RBFOX1: variants seen among roughly 807,000 people sequenced by gnomAD.
The protein encoded by RBFOX1 is RNA binding fox-1 homolog 1.
RBFOX1 carries 8 observed loss-of-function variants against 57.7 expected under a neutral mutation model. The observed-to-expected ratio is 0.14, with a 90% confidence interval of 0.08 to 0.25. The LOEUF is 0.25. RBFOX1 is among the 10% of genes least tolerant of loss of function. RBFOX1 has a pLI of 1.00. For missense variants in RBFOX1, 611 were observed against 548.5 expected (o/e 1.11, Z -1.14); for synonymous variants, 326 against 222.4 (o/e 1.47, Z -4.15).
At position 6,019,320 on chromosome 16, in the gene RBFOX1, C is replaced by T. The variant is rs916064752; in HGVS notation, c.-799C>T. ...GGTCACCTCCTTTCCAGTCCCCGTG[C>T]GAGCCGCGCTGCCGCCGCCTCCTCC... On this transcript the variant is annotated 5_prime_UTR_variant, in exon 1 of 16. Coordinates refer to ENST00000550418, the MANE Select transcript of RBFOX1 (RefSeq NM_018723.4). This position sits in a 1 kb window ranked among gnomAD's most constrained non-coding sequence, Gnocchi z 4.2. 4 of 985,034 alleles carry T rather than the reference C, an allele frequency of 4.1e-6. No homozygotes were observed. In the African/African-American group the frequency reaches 7.0e-5, roughly 17 times the overall value. 61.0% of individuals were successfully genotyped at this position (985,034 alleles called of 1,614,324 possible).
At chr16:6,223,150 A>G (rs1376559513) in intron 1 of RBFOX1, among the ~76,000 whole-genome samples, 7 of 150,574 alleles carry the variant, frequency 4.6e-5, no homozygotes, top group Non-Finnish European at 8.9e-5. Flanking sequence ...GGATAGTGCC[A>G]CAATAAACAT....
chr16:5,992,923 T>G (rs1022355131), intron 4 of RBFOX1, among the ~76,000 whole-genome samples: 1 of 151,990 alleles, frequency 6.6e-6, no homozygotes, highest in Non-Finnish European at 1.5e-5. Context: ...GGTGTCAGAG[T>G]AAGACTCTGT....
At chr16:5,665,050 A>C (rs904112950) in intron 3 of RBFOX1, among the ~76,000 whole-genome samples, 1 of 143,592 alleles carries the variant, frequency 7.0e-6, no homozygotes, top group Non-Finnish European at 1.5e-5. Context: ...TGCTCAAATG[A>C]TTTTCTCGTC....
chr16:6,871,237 G>C (rs532057792), intron 3 of RBFOX1, among the ~76,000 whole-genome samples: 1 of 152,300 alleles, frequency 6.6e-6, no homozygotes, highest in East Asian at 1.9e-4. Context: ...CCAGGCTGGA[G>C]TGCATTGGCA....
In RBFOX1 at chr16:5,842,386, T is replaced by C. The variant is rs182022075; in HGVS notation, c.319-24917T>C. 1.2e-4 allele frequency among the ~76,000 whole-genome samples: 19 copies of C among 152,314 alleles called. No homozygotes were observed. In the East Asian group the frequency reaches 2.5e-3, roughly 20 times the overall value. On this transcript the variant is annotated intron_variant, in intron 3 of 19. Transcript: ENST00000641259. Reference sequence around the variant, plus strand: ...TCTCTGTGGGAAATCACAAAGCCCTTGGATTTGATTTCCATTTAAATCCCT... The same window carrying C: ...TCTCTGTGGGAAATCACAAAGCCCTCGGATTTGATTTCCATTTAAATCCCT...
At chr16:6,673,964 A>C (rs1290901964) in intron 3 of RBFOX1, among the ~76,000 whole-genome samples, 1 of 152,176 alleles carries the variant, frequency 6.6e-6, no homozygotes, top group Non-Finnish European at 1.5e-5. Context: ...AGAACAAAGG[A>C]AGGAGACTCT....
At chr16:7,252,301 G>C (rs186571209) in intron 4 of RBFOX1, among the ~76,000 whole-genome samples, 19 of 152,280 alleles carry the variant, frequency 1.2e-4, no homozygotes, top group African/African-American at 4.6e-4. Flanking sequence ...CTTGAAGTAA[G>C]TGGAAATATA....
Position 7,515,451 on chromosome 16 carries a change from C to T in RBFOX1, c.28-2696C>T, listed in dbSNP as rs534647403. Reference sequence around the variant, plus strand: ...CTGGAAGTGTGCTAAGAGGATAGATCTTAAATTAAATCTCTCCACACACAC... The same window carrying T: ...CTGGAAGTGTGCTAAGAGGATAGATTTTAAATTAAATCTCTCCACACACAC... On this transcript the variant is annotated intron_variant, in intron 4 of 15. Transcript: ENST00000550418. Among the ~76,000 whole-genome samples, 68 of 151,142 alleles carry T rather than the reference C, an allele frequency of 4.5e-4. 1 individual carries two copies. Among genetic ancestry groups the T allele is most frequent in the Admixed American group, 1.6e-3 (24 of 15,160 alleles).
intron 1 of RBFOX1, among the ~76,000 whole-genome samples, chr16:5,240,890 G>T (rs1385745101): frequency 5.3e-5 from 8 of 152,212 alleles, no homozygotes; most frequent in Admixed American, 5.2e-4. Context: ...TTCCACTGGG[G>T]AGGCACGCGG....
chr16:7,294,110 G>A (rs149815849), intron 4 of RBFOX1, among the ~76,000 whole-genome samples: 1 of 152,186 alleles, frequency 6.6e-6, no homozygotes, highest in Non-Finnish European at 1.5e-5. Context: ...GTTTGCTTGA[G>A]TTTAATCCAG....
intron 1 of RBFOX1, among the ~76,000 whole-genome samples, chr16:6,090,533 G>T (rs568763303): frequency 6.6e-6 from 1 of 152,278 alleles, no homozygotes; most frequent in East Asian, 1.9e-4. Flanking sequence ...GTAAACCTTG[G>T]TCCCCAATTA....
chr16:7,035,956 T>C (rs868843169), intron 3 of RBFOX1, among the ~76,000 whole-genome samples: 1 of 152,124 alleles, frequency 6.6e-6, no homozygotes, highest in Non-Finnish European at 1.5e-5. Context: ...ACAACTGAAC[T>C]GGAAAATTAG....
chr16:6,793,793 G>A (rs553247813), intron 3 of RBFOX1, among the ~76,000 whole-genome samples: 14 of 152,078 alleles, frequency 9.2e-5, no homozygotes, highest in Non-Finnish European at 1.6e-4. Context: ...GTTGGTGTGT[G>A]GATTTGGTTG....
chr16:5,586,770 T>G (rs1385607090), intron 2 of RBFOX1, among the ~76,000 whole-genome samples: 4 of 152,204 alleles, frequency 2.6e-5, no homozygotes, highest in Admixed American at 1.3e-4. Context: ...GTGCTGGGAT[T>G]ACAAGTGTAA....
intron 2 of RBFOX1, among the ~76,000 whole-genome samples, chr16:6,328,663 A>T (rs1472645420): frequency 6.6e-6 from 1 of 152,194 alleles, no homozygotes. Flanking sequence ...AATCCTTCTC[A>T]GCTCCAGTTT....
At chr16:6,509,205 G>T (rs567440450) in intron 2 of RBFOX1, among the ~76,000 whole-genome samples, 5 of 152,214 alleles carry the variant, frequency 3.3e-5, no homozygotes, top group South Asian at 2.1e-4. Flanking sequence ...AGGTATTTTT[G>T]GGGGGAGCTG....
intron 3 of RBFOX1, among the ~76,000 whole-genome samples, chr16:6,986,674 C>CCTCCCCTTCTCTCT (rs1555720318): frequency 1.3e-5 from 2 of 151,996 alleles, no homozygotes; most frequent in Non-Finnish European, 2.9e-5. Context: ...CCTTCCTCTC[C>CCTCCCCTTCTCTCT]CTCCCCTTCT....
chr16:6,923,094 A>G (rs988041276), intron 3 of RBFOX1, among the ~76,000 whole-genome samples: 4 of 152,206 alleles, frequency 2.6e-5, no homozygotes, highest in South Asian at 4.1e-4. Flanking sequence ...CCAGAAGGCA[A>G]TGAGAGAAAG....
intron 4 of RBFOX1, among the ~76,000 whole-genome samples, chr16:7,094,744 CTGTGTGTGTGTGTGTGTGTG>C (rs370249382): frequency 7.2e-6 from 1 of 139,352 alleles, no homozygotes; most frequent in African/African-American, 2.6e-5. Context: ...GACTGTACAG[CTGTGTGTGTGTGTGTGTGTG>C]TGTGTGTGTG....
Sources: allele counts gnomAD v4.1 joint callset (sites outside exome capture counted in the v4.1 genomes callset), GRCh38; gene constraint gnomAD v4.1.1; non-coding constraint Gnocchi (gnomAD v3.1); transcripts MANE v1.5; gene names NCBI Gene and HGNC (gene_info 2026-07-23, HGNC 2026-07-21).